SEPTIN8: variants seen among roughly 807,000 people sequenced by gnomAD.
SEPTIN8 encodes septin-8.
SEPTIN8 carries 22 observed loss-of-function variants against 53.1 expected under a neutral mutation model. That is an observed-to-expected ratio of 0.41 (90% confidence interval 0.30 to 0.59). The LOEUF (loss-of-function observed/expected upper bound fraction) is 0.59, where lower values mean the gene tolerates loss of function less well. SEPTIN8 is among the 20% of genes least tolerant of loss of function. The probability of loss-of-function intolerance (pLI) is 0.24; values close to 1 mark genes in which losing one functional copy is unlikely to be tolerated. For synonymous variants in SEPTIN8, 228 were observed against 248.4 expected (o/e 0.92, Z 0.77); for missense variants, 536 against 638.7 (o/e 0.84, Z 1.73).
At chr5:132,774,646 C>G (rs1757624844) in intron 1 of SEPTIN8, among the ~76,000 whole-genome samples, 1 of 152,168 alleles carries the variant, frequency 6.6e-6, no homozygotes, top group Non-Finnish European at 1.5e-5. Flanking sequence ...GACACAGGAA[C>G]CCAGCACACA....
At chr5:132,758,709 T>C (rs1445392310) in intron 9 of SEPTIN8, 1 of 1,607,544 alleles carries the variant, frequency 6.2e-7, no homozygotes, top group South Asian at 1.1e-5. Context: ...CTGTACCGGC[T>C]CCCAGTCCGT....
At position 132,758,522 on chromosome 5, in the gene SEPTIN8, T is replaced by C. The variant is rs371815283; in HGVS notation, c.1286+2280A>G. 2.5e-5 allele frequency: 41 copies of C among 1,613,396 alleles called. No individual in the cohort carries two copies. In the African/African-American group the frequency reaches 4.9e-4, roughly 19 times the overall value. On this transcript the variant is annotated intron_variant, in intron 9 of 9. Coordinates refer to ENST00000378719, the MANE Select transcript of SEPTIN8 (RefSeq NM_001098811.2). Reference sequence around the variant, plus strand: ...GGCACATAACAGCTCCGTCAGGGAATAGTGACACTGTAAATGGAAGACCAG... The same window carrying C: ...GGCACATAACAGCTCCGTCAGGGAACAGTGACACTGTAAATGGAAGACCAG...
intron 9 of SEPTIN8, chr5:132,753,190 A>G (rs888608653): frequency 1.5e-5 from 8 of 527,406 alleles, no homozygotes; most frequent in African/African-American, 1.5e-4. Context: ...CTGATAGACT[A>G]TGACCCTGTC....
At position 132,760,561 on chromosome 5, in the gene SEPTIN8, C is replaced by T. The variant is rs554642506; in HGVS notation, c.1286+241G>A. On this transcript the variant is annotated intron_variant, in intron 9 of 9. Transcript: ENST00000378719. This position sits in a 1 kb window ranked among gnomAD's most constrained non-coding sequence, Gnocchi z 5.2. ...GAGAGGGAGGGGGAGCACAAGATTG[C>T]CTGTGCAAGTGAGACTGCATGAGTA... Among the ~76,000 whole-genome samples the T allele has an allele frequency of 2.0e-5, 3 of 152,158 alleles. No homozygotes were observed. Among genetic ancestry groups the T allele is most frequent in the Admixed American group, 2.0e-4 (3 of 15,292 alleles).
Position 132,777,032 on chromosome 5 carries a change from C to G in SEPTIN8, c.30+76G>C. On this transcript the variant is annotated intron_variant, in intron 1 of 9. Coordinates refer to ENST00000378719, the MANE Select transcript of SEPTIN8 (RefSeq NM_001098811.2). This position sits in a 1 kb window ranked among gnomAD's most constrained non-coding sequence, Gnocchi z 4.1. ...TGAGGCGCTGACAGCCCGCTTCGCG[C>G]CCCCCGCCAGCTGCAGGGCGGCCCC... 1 of 954,764 alleles carries G rather than the reference C, an allele frequency of 1.0e-6. No individual in the cohort carries two copies. The highest frequency in any genetic ancestry group is 1.3e-6 in the Non-Finnish European group (1 of 761,920). The allele number at this position is 954,764 out of a possible 1,614,324, so 59.1% of individuals were successfully genotyped here. A position where few individuals can be genotyped will look rare whatever the true frequency, so the allele number is the denominator to read the frequency against.
At chr5:132,754,616 A>G (rs1755169136) in intron 9 of SEPTIN8, 1 of 664,450 alleles carries the variant, frequency 1.5e-6, no homozygotes, top group Admixed American at 2.4e-5. Context: ...ACTCTTCTAT[A>G]GGGAAGCTCA....
At chr5:132,774,972 T>C (rs974581257) in intron 1 of SEPTIN8, among the ~76,000 whole-genome samples, 43 of 152,022 alleles carry the variant, frequency 2.8e-4, no homozygotes, top group African/African-American at 1.0e-3. Context: ...CAGGCCAAAC[T>C]CCACCCAAGG....
At position 132,752,184 on chromosome 5, in the gene SEPTIN8, A is replaced by G. The variant is rs763634938; in HGVS notation, c.1287-3T>C. Reference sequence around the variant, plus strand: ...GGTGTGCTCCTATATCTGATCTGCTAAAGAAAGCACAGGTAGACATCAACT... The same window carrying G: ...GGTGTGCTCCTATATCTGATCTGCTGAAGAAAGCACAGGTAGACATCAACT... On this transcript the variant is annotated splice_polypyrimidine_tract_variant and splice_region_variant and intron_variant, in intron 9 of 9. Coordinates refer to ENST00000378719, the MANE Select transcript of SEPTIN8 (RefSeq NM_001098811.2). 12 of 1,577,500 alleles carry G rather than the reference A, an allele frequency of 7.6e-6. No individual in the cohort carries two copies. The African/African-American group carries it at 1.2e-4, about 16-fold the overall frequency.
intron 9 of SEPTIN8, chr5:132,758,605 TTAC>T: frequency 6.2e-7 from 1 of 1,604,230 alleles, no homozygotes; most frequent in South Asian, 1.1e-5. Context: ...TTCATGGCTT[TTAC>T]GTGTTTGCAT....
At position 132,777,036 on chromosome 5, in the gene SEPTIN8, C is replaced by T; in HGVS notation, c.30+72G>A. 2.0e-6 allele frequency: 2 copies of T among 995,646 alleles called. No homozygotes were observed. Among genetic ancestry groups the T allele is most frequent in the Admixed American group, 4.9e-5 (1 of 20,418 alleles). 61.7% of individuals were successfully genotyped at this position (995,646 alleles called of 1,614,324 possible). On this transcript the variant is annotated intron_variant, in intron 1 of 9. Coordinates refer to ENST00000378719, the MANE Select transcript of SEPTIN8 (RefSeq NM_001098811.2). The surrounding 1 kb of genome is among the most constrained non-coding windows in gnomAD (Gnocchi z 4.1). The stretch of plus-strand genomic sequence containing the variant: ...GCGCTGACAGCCCGCTTCGCGCCCC[C>T]CGCCAGCTGCAGGGCGGCCCCTCCT...
Position 132,764,250 on chromosome 5 carries a change from A to C in SEPTIN8, c.321T>G (p.Phe107Leu), listed in dbSNP as rs1479899562. Residue 107 changes from phenylalanine to leucine, a missense_variant, in exon 3 of 10, where the codon TTT (phenylalanine) becomes TTG (leucine). Transcript: ENST00000378719. ...LKLTIVDAVGFGDQINKDESY... is the reference protein window; with the variant it reads ...LKLTIVDAVGLGDQINKDESY... ...TCTCATCCTTATTGATCTGATCCCC[A>C]AAGCCCACGGCATCCACAATGGTCA... 1.9e-6 allele frequency: 3 copies of C among 1,613,718 alleles called. No individual in the cohort carries two copies. The African/African-American group carries it at 4.0e-5, about 22-fold the overall frequency.
At position 132,777,080 on chromosome 5, in the gene SEPTIN8, G is replaced by C. The variant is rs576844638; in HGVS notation, c.30+28C>G. 2 of 1,156,510 alleles carry C rather than the reference G, an allele frequency of 1.7e-6. No homozygotes were observed. Among genetic ancestry groups the C allele is most frequent in the Non-Finnish European group, 2.1e-6 (2 of 938,630 alleles). 71.6% of individuals were successfully genotyped at this position (1,156,510 alleles called of 1,614,324 possible). On this transcript the variant is annotated intron_variant, in intron 1 of 9. Transcript: ENST00000378719. The surrounding 1 kb of genome is among the most constrained non-coding windows in gnomAD (Gnocchi z 4.1). ...CCCTCCTGCGCCCCGCGCCTCCCGC[G>C]CGCGCCGTGGCCCAGCGGGGCCCTC...
At chr5:132,758,003 G>A in intron 9 of SEPTIN8, 1 of 988,708 alleles carries the variant, frequency 1.0e-6, no homozygotes, top group Non-Finnish European at 1.2e-6. Context: ...CACACACATG[G>A]AGTTGGTCCC....
At chr5:132,754,348 C>T in intron 9 of SEPTIN8, 1 of 713,368 alleles carries the variant, frequency 1.4e-6, no homozygotes, top group East Asian at 2.7e-5. Context: ...TGCCCTCTGC[C>T]TCCTTCCTTC....
Position 132,767,431 on chromosome 5 carries a change from C to A in SEPTIN8, c.31-1902G>T, listed in dbSNP as rs147163520. ...TCCCTTGGCACCCACTCTCACCTGG[C>A]CCCCAAGCACTTACGTTCCAGACCC... On this transcript the variant is annotated intron_variant, in intron 1 of 9. Coordinates refer to ENST00000378719, the MANE Select transcript of SEPTIN8 (RefSeq NM_001098811.2). Among the ~76,000 whole-genome samples the A allele has an allele frequency of 2.2e-3, 330 of 152,250 alleles. 2 individuals carry two copies. Among genetic ancestry groups the A allele is most frequent in the Non-Finnish European group, 3.7e-3 (249 of 68,016 alleles).
chr5:132,763,609 T>A, intron 4 of SEPTIN8, 97 bp downstream of exon 4: 1 of 1,184,504 alleles, frequency 8.4e-7, no homozygotes, highest in East Asian at 2.4e-5. Flanking sequence ...CCCGACCAGG[T>A]CCCTGAGGAC....
At chr5:132,753,063 A>G (rs573364783) in intron 9 of SEPTIN8, 5 of 1,022,984 alleles carry the variant, frequency 4.9e-6, no homozygotes, top group South Asian at 2.8e-5. Context: ...TGAATCCTGT[A>G]AAAAGGGAAG....
chr5:132,777,315 C>G (rs1486392078), upstream of SEPTIN8: 1 of 1,080,474 alleles, frequency 9.3e-7, no homozygotes, highest in East Asian at 5.9e-5. The surrounding 1 kb of genome is among the most constrained non-coding windows in gnomAD (Gnocchi z 4.1). Flanking sequence ...GCCCCTGCCC[C>G]CGCCCGCGGG....
Position 132,761,529 on chromosome 5 carries a change from G to C in SEPTIN8, c.891C>G (p.Tyr297Ter). 6.2e-7 allele frequency: 1 copy of C among 1,613,852 alleles called. No homozygotes were observed. Among genetic ancestry groups the C allele is most frequent in the Non-Finnish European group, 8.5e-7 (1 of 1,179,994 alleles). The change falls in exon 7 of 10, where the codon TAC becomes TAG. Residue 297 changes from tyrosine to a stop codon, truncating the protein, a stop_gained. Coordinates refer to ENST00000378719, the MANE Select transcript of SEPTIN8 (RefSeq NM_001098811.2). LOFTEE classifies it high-confidence loss of function. The surrounding 1 kb of genome is among the most constrained non-coding windows in gnomAD (Gnocchi z 5.8). ...CCAACTTGCAGCGCCGGTAGAGCTC[G>C]TAGTGCCGGCTGTGGGTCTGCTCGC... ...DLREQTHSRH[Y>*]ELYRRCKLEE... is the part of the protein sequence containing the mutation.
Sources: gnomAD v4.1 joint callset for allele counts (sites outside exome capture counted in the v4.1 genomes callset) on GRCh38, gnomAD v4.1.1 for gene constraint, Gnocchi (gnomAD v3.1) non-coding constraint, MANE v1.5 for transcripts, NCBI Gene and HGNC (gene_info 2026-07-23, HGNC 2026-07-21) for gene names.